The following C8orf89 variants were observed in gnomAD, a reference collection of about 807,000 sequenced individuals.
C8orf89 encodes the protein putative uncharacterized protein C8orf89.
Under a neutral mutation model 15.8 loss-of-function variants are expected in C8orf89, and 14 were observed. That is an observed-to-expected ratio of 0.89 (90% confidence interval 0.59 to 1.39). C8orf89 has a LOEUF of 1.39. Among genes scored for constraint, C8orf89 ranks in the 40% most tolerant of loss-of-function variants. The pLI, the probability that C8orf89 is intolerant of heterozygous loss-of-function variation, is 0.00. For missense variants in C8orf89, 181 were observed against 184.5 expected (o/e 0.98, Z 0.11); for synonymous variants, 55 against 62.2 (o/e 0.88, Z 0.54).
chr8:73,259,586 T>C, upstream of C8orf89: 1 of 532,298 alleles, frequency 1.9e-6, no homozygotes, highest in Non-Finnish European at 2.9e-6. Flanking sequence ...TCTTTCAAAC[T>C]TTGAACATTT....
upstream of C8orf89, among the ~76,000 whole-genome samples, chr8:73,261,108 G>A (rs1586169077): frequency 6.6e-6 from 1 of 152,134 alleles, no homozygotes; most frequent in Admixed American, 6.5e-5. Context: ...GAGGTTTTGG[G>A]AATTAGACTG....
chr8:73,258,409 CAAAAAAAAAAA>C (rs34265425), intron 1 of C8orf89, among the ~76,000 whole-genome samples: 1 of 69,158 alleles, frequency 1.4e-5, no homozygotes, highest in Admixed American at 1.9e-4. Flanking sequence ...GACTCCATCT[CAAAAAAAAAAA>C]AAAAAAAAAA....
chr8:73,275,231 C>CTTTTTTTTTTTT, the C8orf89 span, among the ~76,000 whole-genome samples: 3 of 84,744 alleles, frequency 3.5e-5, no homozygotes, highest in African/African-American at 5.0e-5. Flanking sequence ...TGTAATAGTT[C>CTTTTTTTTTTTT]TTTTTTTTTT....
chr8:73,278,226 TA>T, the C8orf89 span, among the ~76,000 whole-genome samples: 1 of 152,192 alleles, frequency 6.6e-6, no homozygotes, highest in African/African-American at 2.4e-5. Context: ...CCTAAAACGT[TA>T]TTTGTACACA....
Position 73,255,794 on chromosome 8 carries a change from T to C in C8orf89, c.281+1179A>G, listed in dbSNP as rs1281498231. On this transcript the variant is annotated intron_variant, in intron 2 of 3. Transcript: ENST00000624510. ...CTATGCAGCCATAAAAAATAATGAG[T>C]TCATGTCCTTTGTAGGGACATGGAT... is the stretch of plus-strand genomic sequence containing the variant. 2.8e-3 allele frequency among the ~76,000 whole-genome samples: 419 copies of C among 151,366 alleles called. 2 individuals are homozygous for C. Among genetic ancestry groups the C allele is most frequent in the African/African-American group, 9.9e-3 (408 of 41,102 alleles).
chr8:73,248,702 A>G (rs1469488828), intron 3 of C8orf89, among the ~76,000 whole-genome samples: 1 of 152,066 alleles, frequency 6.6e-6, no homozygotes, highest in African/African-American at 2.4e-5. Context: ...TTTTGTGCCA[A>G]TTGTAAATGG....
chr8:73,279,231 C>CATCT, the C8orf89 span, among the ~76,000 whole-genome samples: 1 of 152,198 alleles, frequency 6.6e-6, no homozygotes, highest in Non-Finnish European at 1.5e-5. Flanking sequence ...TTTGCAAACT[C>CATCT]ATCTATAGAG....
the C8orf89 span, among the ~76,000 whole-genome samples, chr8:73,282,955 A>G: frequency 4.1e-4 from 62 of 152,334 alleles, no homozygotes; most frequent in African/African-American, 1.4e-3. Flanking sequence ...TGTTTTAGAA[A>G]AAAGTGAGTA....
intron 2 of C8orf89, among the ~76,000 whole-genome samples, chr8:73,254,293 A>G (rs913097302): frequency 6.6e-6 from 1 of 152,018 alleles, no homozygotes. Context: ...CCACTTGATC[A>G]TGGTGGATAA....
At chr8:73,270,695 C>T in the C8orf89 span, among the ~76,000 whole-genome samples, 2 of 152,218 alleles carry the variant, frequency 1.3e-5, no homozygotes, top group Admixed American at 6.5e-5. Flanking sequence ...CACTTGAGCC[C>T]AGGAGTTCGA....
At chr8:73,250,143 A>C in intron 3 of C8orf89, 125 bp downstream of exon 3, 1 of 605,806 alleles carries the variant, frequency 1.7e-6, no homozygotes, top group Non-Finnish European at 2.8e-6. Context: ...AAATAAACAA[A>C]GCTTAAAAGA....
At chr8:73,255,914 A>T (rs1813369334) in intron 2 of C8orf89, among the ~76,000 whole-genome samples, 2 of 147,246 alleles carry the variant, frequency 1.4e-5, no homozygotes, top group Non-Finnish European at 3.0e-5. Flanking sequence ...AACAATGAGA[A>T]CACATGGACA....
rs188318389 is a variant in C8orf89 at position 73,243,368 on chromosome 8, C to T, written c.338-1763G>A. On this transcript the variant is annotated intron_variant, in intron 3 of 3. Transcript: ENST00000624510. ...CCTGAGGGGATGGATACTCCATTCA[C>T]GTGAATGTGATTATTACACGTTGTA... Among the ~76,000 whole-genome samples the T allele has an allele frequency of 2.0e-5, 3 of 152,120 alleles. No homozygotes were observed. In the East Asian group the frequency reaches 5.8e-4, roughly 29 times the overall value.
chr8:73,259,267 A>C, intron 1 of C8orf89, 65 bp downstream of exon 1: 1 of 1,098,456 alleles, frequency 9.1e-7, no homozygotes, highest in Middle Eastern at 3.0e-4. Flanking sequence ...TGATGAAAAA[A>C]ATACATGGAA....
chr8:73,273,205 G>A, the C8orf89 span, among the ~76,000 whole-genome samples: 2 of 152,178 alleles, frequency 1.3e-5, no homozygotes, highest in Non-Finnish European at 2.9e-5. Context: ...CCGTTTCTGA[G>A]TGGCGGGGCA....
At chr8:73,271,038 C>G in the C8orf89 span, among the ~76,000 whole-genome samples, 1 of 152,180 alleles carries the variant, frequency 6.6e-6, no homozygotes, top group African/African-American at 2.4e-5. Flanking sequence ...ACATCCCCAT[C>G]CATGCCACCT....
At chr8:73,244,224 A>G (rs1405476992) in intron 3 of C8orf89, among the ~76,000 whole-genome samples, 1 of 151,884 alleles carries the variant, frequency 6.6e-6, no homozygotes, top group East Asian at 1.9e-4. Context: ...AACAACAGAT[A>G]GCATTTGTTG....
chr8:73,264,017 A>G (rs1237452292), upstream of C8orf89, among the ~76,000 whole-genome samples: 2 of 152,184 alleles, frequency 1.3e-5, no homozygotes, highest in African/African-American at 4.8e-5. Context: ...TTATTGATTC[A>G]TTAACATGGA....
At chr8:73,250,126 G>C (rs180972382) in intron 3 of C8orf89, 142 bp downstream of exon 3, 5 of 583,274 alleles carry the variant, frequency 8.6e-6, no homozygotes, top group Middle Eastern at 3.1e-4. Flanking sequence ...CATCCACTTA[G>C]TTTATAAAAT....
Sources: allele counts gnomAD v4.1 joint callset (sites outside exome capture counted in the v4.1 genomes callset), GRCh38; gene constraint gnomAD v4.1.1; transcripts MANE v1.5; gene names NCBI Gene and HGNC (gene_info 2026-07-23, HGNC 2026-07-21).